CDKL5: variants seen among roughly 807,000 people sequenced by gnomAD.
CDKL5 encodes cyclin dependent kinase like 5.
CDKL5 carries 8 observed loss-of-function variants against 61.7 expected under a neutral mutation model. That is an observed-to-expected ratio of 0.13 (90% CI 0.08 to 0.23). The LOEUF is 0.23. Ranked by LOEUF, CDKL5 falls within the 10% of genes least tolerant of loss-of-function variation. CDKL5 has a pLI of 1.00. For missense variants in CDKL5, 440 were observed against 734.5 expected, an observed-to-expected ratio of 0.60 and a Z score of 4.63; for synonymous variants, 275 against 272.3, an observed-to-expected ratio of 1.01 and a Z score of -0.10.
downstream of CDKL5, chrX:18,642,260 G>A (rs1927612435): frequency 1.1e-6 from 1 of 933,172 alleles, no homozygotes; most frequent in Non-Finnish European, 1.5e-6. Context: ...GAAATGATTA[G>A]GAAGTAGTTA....
intron 3 of CDKL5, among the ~76,000 whole-genome samples, chrX:18,559,329 C>T (rs1408085623): frequency 8.9e-6 from 1 of 111,800 alleles, no homozygotes; most frequent in Non-Finnish European, 1.9e-5. Context: ...CTGCCTCAGC[C>T]TCCCAAGTAG....
intron 1 of CDKL5, among the ~76,000 whole-genome samples, chrX:18,466,990 G>A (rs1162310958): frequency 8.9e-6 from 1 of 111,934 alleles, no homozygotes; most frequent in Non-Finnish European, 1.9e-5. Context: ...ATCATTGTGA[G>A]CAAGTGTCAG....
At chrX:18,526,060 CTT>C (rs1383295824) in intron 3 of CDKL5, among the ~76,000 whole-genome samples, 1 of 112,355 alleles carries the variant, frequency 8.9e-6, no homozygotes, top group Non-Finnish European at 1.9e-5. Context: ...AATATTGAGT[CTT>C]ATAATCTGTG....
At position 18,598,595 on chromosome X, in the gene CDKL5, G is replaced by C; in HGVS notation, c.959G>C (p.Ser320Thr). Reference protein sequence around the residue: ...SAKRKPYHVESSTLSNRNQAG... With the variant: ...SAKRKPYHVETSTLSNRNQAG... ...AAAAGAAAACCTTACCATGTGGAAA[G>C]CAGCACATTGTCTAATAGGTAAATA... The change falls in exon 11 of 18, where the codon AGC (serine) becomes ACC (threonine). Residue 320 changes from serine to threonine, a missense_variant. Transcript: ENST00000623535. The C allele has an allele frequency of 8.3e-7, 1 of 1,209,716 alleles. No individual in the cohort carries two copies. The highest frequency in any genetic ancestry group is 1.1e-6 in the Non-Finnish European group (1 of 893,657).
intron 3 of CDKL5, among the ~76,000 whole-genome samples, chrX:18,516,747 T>C (rs984027701): frequency 8.1e-5 from 9 of 111,137 alleles, no homozygotes; most frequent in African/African-American, 2.9e-4. Flanking sequence ...TGACTTTTTG[T>C]TTTTTTGAGA....
intron 3 of CDKL5, among the ~76,000 whole-genome samples, chrX:18,512,626 C>T (rs1020921372): frequency 1.2e-4 from 13 of 109,828 alleles, no homozygotes; most frequent in Non-Finnish European, 2.1e-4. Flanking sequence ...AAAAATGGTT[C>T]GAATACTATT....
chrX:18,608,897 A>G lies in CDKL5; in HGVS notation c.2031A>G (p.Thr677=), dbSNP rs1416458696. 1.7e-6 allele frequency: 2 copies of G among 1,181,039 alleles called. No individual in the cohort carries two copies. Among genetic ancestry groups the G allele is most frequent in the Admixed American group, 4.4e-5 (2 of 45,945 alleles). Residue 677 remains threonine (T), a synonymous_variant, in exon 13 of 18, where the codon ACA becomes ACG. Transcript: ENST00000623535. ...TSREGTSSFH[T]RQKSEGGVYH... ...GAGAAGGCACCTCTTCCTTCCATAC[A>G]CGCCAGAAGTCTGAGGTATGTCACA...
At chrX:18,597,591 ATTTTTTTTT>A (rs58993237) in intron 10 of CDKL5, among the ~76,000 whole-genome samples, 1 of 72,820 alleles carries the variant, frequency 1.4e-5, no homozygotes, top group Non-Finnish European at 2.5e-5. Flanking sequence ...CTACAGAATG[ATTTTTTTTT>A]TTTTTTTTTT....
At chrX:18,642,379 T>G (rs753056110), downstream of CDKL5, among the ~76,000 whole-genome samples, 94 of 111,830 alleles carry the variant, frequency 8.4e-4, no homozygotes, top group Non-Finnish European at 1.6e-3. Flanking sequence ...CACTAGCCAA[T>G]ATGTCTGTTT....
intron 3 of CDKL5, among the ~76,000 whole-genome samples, chrX:18,557,936 A>G (rs1232804209): frequency 9.0e-6 from 1 of 111,420 alleles, no homozygotes; most frequent in Non-Finnish European, 1.9e-5. Flanking sequence ...AGATATTTGT[A>G]TTTGTTAGTA....
At chrX:18,573,405 G>A (rs1925194955) in intron 4 of CDKL5, among the ~76,000 whole-genome samples, 1 of 112,135 alleles carries the variant, frequency 8.9e-6, no homozygotes, top group African/African-American at 3.2e-5. Flanking sequence ...AACTGCCGGT[G>A]TTCCTGTGCT....
rs749882663 is a variant in CDKL5, at chrX:18,506,455, A to G, written c.-162-480A>G. Among the ~76,000 whole-genome samples, 3 of 112,032 alleles carry G rather than the reference A, an allele frequency of 2.7e-5. No homozygotes were observed. The South Asian group carries it at 1.1e-3, about 41-fold the overall frequency. The stretch of plus-strand genomic sequence containing the variant: ...AGCTTATATTGTTAACTCCAACTCC[A>G]AGCCTTCTCCCTTTTTATATTTGTT... On this transcript the variant is annotated intron_variant, in intron 1 of 17. Coordinates refer to ENST00000623535, the MANE Select transcript of CDKL5 (RefSeq NM_001323289.2).
intron 1 of CDKL5, among the ~76,000 whole-genome samples, chrX:18,449,797 CTT>C (rs752450258): frequency 2.7e-4 from 27 of 100,206 alleles, no homozygotes; most frequent in Admixed American, 2.2e-4. Flanking sequence ...TCCCTTAATT[CTT>C]TTTTTTTTTT....
At chrX:18,545,129 A>G in intron 3 of CDKL5, among the ~76,000 whole-genome samples, 1 of 110,412 alleles carries the variant, frequency 9.1e-6, no homozygotes, top group Non-Finnish European at 1.9e-5. Flanking sequence ...CCAGCTACTC[A>G]GAGGATAAGG....
At chrX:18,480,809 C>T (rs769759610) in intron 1 of CDKL5, among the ~76,000 whole-genome samples, 2 of 108,377 alleles carry the variant, frequency 1.8e-5, no homozygotes, top group Non-Finnish European at 3.8e-5. Context: ...ACTTCTTCTT[C>T]CTTCTTCCTT....
At chrX:18,643,468 C>G (rs1927658245), downstream of CDKL5, among the ~76,000 whole-genome samples, 1 of 112,433 alleles carries the variant, frequency 8.9e-6, no homozygotes, top group Non-Finnish European at 1.9e-5. Flanking sequence ...CCAGATTGCA[C>G]AAGTGCAGGG....
At chrX:18,613,350 G>T in intron 15 of CDKL5, 75 bp downstream of exon 15, 1 of 966,003 alleles carries the variant, frequency 1.0e-6, no homozygotes. Context: ...TTCTGGATGA[G>T]CTTTTTAGTG....
At chrX:18,489,975 G>C in intron 1 of CDKL5, among the ~76,000 whole-genome samples, 1 of 111,255 alleles carries the variant, frequency 9.0e-6, no homozygotes, top group South Asian at 3.8e-4. Context: ...ATCTCCTGGG[G>C]CTGTATCACA....
At chrX:18,598,354 T>C (rs771523477) in intron 10 of CDKL5, 108 bp from the exon 11 acceptor site, 2 of 567,447 alleles carry the variant, frequency 3.5e-6, no homozygotes, top group Non-Finnish European at 5.9e-6. Context: ...TTACTTGATA[T>C]TCTGCAATGA....
Sources: gnomAD v4.1 joint callset for allele counts (sites outside exome capture counted in the v4.1 genomes callset) on GRCh38, gnomAD v4.1.1 for gene constraint, MANE v1.5 for transcripts, NCBI Gene and HGNC (gene_info 2026-07-23, HGNC 2026-07-21) for gene names.